The following SLBP variants were observed in gnomAD, a reference collection of about 807,000 sequenced individuals.
The protein encoded by SLBP is stem-loop histone mRNA binding protein, also known as histone RNA hairpin-binding protein.
A neutral mutation model predicts 39.2 loss-of-function variants in SLBP; 29 were observed. The observed-to-expected ratio is 0.74, with a 90% CI of 0.55 to 1.01. The LOEUF (loss-of-function observed/expected upper bound fraction) is 1.01. Ranked by LOEUF, SLBP falls within the 50% of genes least tolerant of loss-of-function variation. The pLI, the probability that SLBP is intolerant of heterozygous loss-of-function variation, is 0.00. For missense variants in SLBP, 390 were observed against 350.2 expected, an observed-to-expected ratio of 1.11 and a Z score of -0.91; for synonymous variants, 129 against 118.7, an observed-to-expected ratio of 1.09 and a Z score of -0.57.
chr4:1,694,624 C>T, intron 7 of SLBP, 150 bp downstream of exon 7: 1 of 634,178 alleles, frequency 1.6e-6, no homozygotes, highest in Non-Finnish European at 2.9e-6. Context: ...TTCCTGACTT[C>T]AGGTGATCCG....
chr4:1,712,228 A>T lies in SLBP; in HGVS notation c.-40T>A. The T allele has an allele frequency of 8.2e-7, 1 of 1,217,116 alleles. No homozygotes were observed. The highest frequency in any genetic ancestry group is 1.0e-6 in the Non-Finnish European group (1 of 958,090). 75.4% of individuals were successfully genotyped at this position (1,217,116 alleles called of 1,614,324 possible). On this transcript the variant is annotated 5_prime_UTR_variant, in exon 1 of 8. Transcript: ENST00000489418. ...GGCGCGCAGCGCAGGGCCGAGGCTG[A>T]GGCGGCGGCGGCGCGGGCAGAGAGC... is the stretch of plus-strand genomic sequence containing the variant.
At chr4:1,711,047 T>A (rs2108667195) in intron 2 of SLBP, among the ~76,000 whole-genome samples, 1 of 124,934 alleles carries the variant, frequency 8.0e-6, no homozygotes, top group East Asian at 2.6e-4. Flanking sequence ...TGAGACCCTG[T>A]CTTTAAAAAA....
chr4:1,711,765 G>A, intron 2 of SLBP, 109 bp downstream of exon 2: 2 of 511,224 alleles, frequency 3.9e-6, no homozygotes, highest in Non-Finnish European at 6.1e-6. Flanking sequence ...AAAGGACGCA[G>A]GGTGCCGACC....
chr4:1,708,099 A>T (rs918248490), intron 2 of SLBP, among the ~76,000 whole-genome samples: 1 of 151,498 alleles, frequency 6.6e-6, no homozygotes, highest in African/African-American at 2.4e-5. Flanking sequence ...AAAAAAAAAA[A>T]AAAATCAGGC....
Position 1,711,985 on chromosome 4 carries a change from G to T in SLBP, c.65C>A (p.Pro22Gln). 1 of 1,293,350 alleles carries T rather than the reference G, an allele frequency of 7.7e-7. No homozygotes were observed. The highest frequency in any genetic ancestry group is 9.8e-7 in the Non-Finnish European group (1 of 1,020,518). 80.1% of individuals were successfully genotyped at this position (1,293,350 alleles called of 1,614,324 possible). Reference sequence around the variant, plus strand: ...TCCCAGGCTCCATCGCGCGGGGGACGGCGGGCTGCGGGGAGGGACGCGGTC... The same window carrying T: ...TCCCAGGCTCCATCGCGCGGGGGACTGCGGGCTGCGGGGAGGGACGCGGTC... Reference protein sequence around the residue: ...QSRCDGDASPPSPARWSLGRK... With the variant: ...QSRCDGDASPQSPARWSLGRK... Residue 22 changes from proline (P) to glutamine (Q), a missense_variant, in exon 2 of 8, where the codon CCG becomes CAG. Pro to Gln is a moderately conservative substitution (Grantham distance 76). Coordinates refer to ENST00000489418, the MANE Select transcript of SLBP (RefSeq NM_006527.4).
rs1716099112 is a variant in SLBP at position 1,696,226 on chromosome 4, T to C, written c.605A>G (p.Glu202Gly). 1 of 1,595,792 alleles carries C rather than the reference T, an allele frequency of 6.3e-7. No individual in the cohort carries two copies. Among genetic ancestry groups the C allele is most frequent in the African/African-American group, 1.4e-5 (1 of 73,650 alleles). Reference protein sequence around the residue: ...VALHFWDPPAEEGCDLQEIHP... With the variant: ...VALHFWDPPAGEGCDLQEIHP... ...CATTTCTTGCAAATCACATCCTTCT[T>C]CCGCTGGAGGATCCCAAAAATGCAG... Residue 202 changes from glutamate (E) to glycine (G), a missense_variant, in exon 6 of 8, where the codon GAA (glutamate) becomes GGA (glycine). By Grantham distance (98) the Glu-to-Gly change is moderately conservative (BLOSUM62 -2). Coordinates refer to ENST00000489418, the MANE Select transcript of SLBP (RefSeq NM_006527.4).
chr4:1,701,143 T>TTC (rs1186342313), intron 3 of SLBP, among the ~76,000 whole-genome samples: 1 of 128,726 alleles, frequency 7.8e-6, no homozygotes, highest in African/African-American at 2.6e-5. Context: ...TTTTCTTTTT[T>TTC]TTCTTTTTTT....
Position 1,696,371 on chromosome 4 carries a change from C to A in SLBP, c.480-20G>T. 10 of 1,528,676 alleles carry A rather than the reference C, an allele frequency of 6.5e-6. No individual in the cohort carries two copies. Among genetic ancestry groups the A allele is most frequent in the Non-Finnish European group, 8.8e-6 (10 of 1,136,786 alleles). 94.7% of individuals were successfully genotyped at this position (1,528,676 alleles called of 1,614,324 possible). A position where few individuals can be genotyped will look rare whatever the true frequency, so the allele number is the denominator to read the frequency against. On this transcript the variant is annotated intron_variant, in intron 5 of 7. Transcript: ENST00000489418. ...AGGTGTCTACAGGAGAAAGATTATT[C>A]TAGCACATGCCCACATGCCACTCAC...
chr4:1,696,531 G>C (rs1484714816), intron 5 of SLBP, among the ~76,000 whole-genome samples, 180 bp from the exon 6 acceptor site: 1 of 151,838 alleles, frequency 6.6e-6, no homozygotes, highest in Admixed American at 6.6e-5. Context: ...CTTAAGCTCA[G>C]GAATTTAAAA....
At position 1,694,803 on chromosome 4, in the gene SLBP, C is replaced by A; in HGVS notation, c.667G>T (p.Glu223Ter). 6.2e-7 allele frequency: 1 copy of A among 1,613,772 alleles called. No homozygotes were observed. The highest frequency in any genetic ancestry group is 8.5e-7 in the Non-Finnish European group (1 of 1,179,680). The change falls in exon 7 of 8, where the codon GAG (glutamate) becomes TAG (stop). Residue 223 changes from glutamate (E) to a stop codon, truncating the protein, a stop_gained. Transcript: ENST00000489418. LOFTEE classifies it high-confidence loss of function. The stretch of plus-strand genomic sequence containing the variant: ...TCATCCTGAGAGCTGGTCTGGGGCT[C>A]GGAGCTGCTTTCTGCAGATTCAAGG... ...VDLESAESSS[E>*]PQTSSQDDFD...
At chr4:1,706,941 C>G (rs1048124863) in intron 2 of SLBP, among the ~76,000 whole-genome samples, 5 of 149,478 alleles carry the variant, frequency 3.3e-5, no homozygotes, top group Non-Finnish European at 3.0e-5. Context: ...AAGACCAGGC[C>G]GGGCGCAGTG....
chr4:1,711,585 G>A (rs798743), intron 2 of SLBP, among the ~76,000 whole-genome samples: 4,605 of 152,308 alleles, frequency 0.03, 109 homozygotes, highest in African/African-American at 0.062. Flanking sequence ...CGAGAAGCTC[G>A]TCAGAGACCC....
chr4:1,693,804 T>C (rs1716006857), intron 7 of SLBP, 91 bp from the exon 8 acceptor site: 1 of 763,190 alleles, frequency 1.3e-6, no homozygotes, highest in Non-Finnish European at 2.4e-6. Flanking sequence ...TGGTAAATCA[T>C]GTGATGTAAT....
Position 1,693,517 on chromosome 4 carries a change from GCA to G in SLBP, c.*78_*79del. 1.2e-6 allele frequency: 1 copy of G among 810,128 alleles called. No homozygotes were observed. The highest frequency in any genetic ancestry group is 1.7e-5 in the African/African-American group (1 of 59,854). The allele number at this position is 810,128 out of a possible 1,614,324, so 50.2% of individuals were successfully genotyped here. ...AACAGAGAAACCACCAGGTACAAGT[GCA>G]CACACATGCTTGGTGCCTGGCCAGC... On this transcript the variant is annotated 3_prime_UTR_variant, in exon 8 of 8. Coordinates refer to ENST00000489418, the MANE Select transcript of SLBP (RefSeq NM_006527.4).
chr4:1,699,939 A>C, intron 4 of SLBP, 72 bp downstream of exon 4: 1 of 1,081,860 alleles, frequency 9.2e-7, no homozygotes, highest in East Asian at 2.4e-5. Flanking sequence ...CATTTCTGAC[A>C]GTCACAATTT....
intron 6 of SLBP, 132 bp from the exon 7 acceptor site, chr4:1,694,972 C>T (rs1380220357): frequency 4.4e-6 from 3 of 684,600 alleles, no homozygotes; most frequent in Non-Finnish European, 8.1e-6. Context: ...CCTGAGGGGT[C>T]AGCTTTCAGT....
intron 3 of SLBP, among the ~76,000 whole-genome samples, chr4:1,702,625 A>C (rs540537586): frequency 6.6e-6 from 1 of 152,354 alleles, no homozygotes; most frequent in African/African-American, 2.4e-5. Flanking sequence ...TTTGAGTTAG[A>C]CAACTCATCA....
intron 3 of SLBP, among the ~76,000 whole-genome samples, chr4:1,700,586 G>A (rs1716288704): frequency 2.0e-5 from 3 of 151,296 alleles, no homozygotes; most frequent in Admixed American, 6.6e-5. Context: ...TTGAGATGGG[G>A]TCTCACTCTG....
rs779246602 is a variant in SLBP at position 1,694,813 on chromosome 4, T to C, written c.657A>G (p.Glu219=). 6.2e-7 allele frequency: 1 copy of C among 1,613,792 alleles called. No individual in the cohort carries two copies. Among genetic ancestry groups the C allele is most frequent in the Non-Finnish European group, 8.5e-7 (1 of 1,179,672 alleles). Residue 219 remains glutamate, a synonymous_variant, in exon 7 of 8, where the codon GAA becomes GAG. Transcript: ENST00000489418. ...EIHPVDLESA[E]SSSEPQTSSQ... The stretch of plus-strand genomic sequence containing the variant: ...AGCTGGTCTGGGGCTCGGAGCTGCT[T>C]TCTGCAGATTCAAGGTCTACAGGGT...
Sources: gnomAD v4.1 joint callset for allele counts (sites outside exome capture counted in the v4.1 genomes callset) on GRCh38, gnomAD v4.1.1 for gene constraint, MANE v1.5 for transcripts, NCBI Gene and HGNC (gene_info 2026-07-23, HGNC 2026-07-21) for gene names.